The following TMEM232 variants were observed in gnomAD, a reference collection of about 807,000 sequenced individuals.
The protein encoded by TMEM232 is transmembrane protein 232.
A neutral mutation model predicts 78.8 loss-of-function variants in TMEM232; 80 were observed. That is an observed-to-expected ratio of 1.01 (90% CI 0.85 to 1.22). The LOEUF (loss-of-function observed/expected upper bound fraction) is 1.22. Among genes scored for constraint, TMEM232 ranks in the 50% most tolerant of loss-of-function variants. The pLI is 0.00. For synonymous variants in TMEM232, 297 were observed against 254.3 expected, an observed-to-expected ratio of 1.17 and a Z score of -1.60; for missense variants, 881 against 742.2, an observed-to-expected ratio of 1.19 and a Z score of -2.17.
chr5:110,658,252 T>C (rs952923702), intron 2 of TMEM232, among the ~76,000 whole-genome samples: 25 of 152,194 alleles, frequency 1.6e-4, no homozygotes, highest in African/African-American at 6.0e-4. Context: ...CATCATCACA[T>C]TATAGATATC....
chr5:110,655,537 C>T (rs1348964134), intron 2 of TMEM232, among the ~76,000 whole-genome samples: 4 of 141,578 alleles, frequency 2.8e-5, no homozygotes, highest in East Asian at 2.1e-4. Flanking sequence ...ACCATTTGAC[C>T]CAGCCATCCC....
At chr5:110,697,209 A>G (rs1431247812) in intron 1 of TMEM232, among the ~76,000 whole-genome samples, 2 of 152,332 alleles carry the variant, frequency 1.3e-5, no homozygotes, top group South Asian at 2.1e-4. Context: ...AGGATTCCCT[A>G]TTTAAGAAAT....
intron 1 of TMEM232, chr5:110,725,654 T>C (rs185100287): frequency 6.6e-6 from 1 of 152,306 alleles, no homozygotes; most frequent in Admixed American, 6.5e-5. Flanking sequence ...AAGAGAAATG[T>C]TTCAGCTCAT....
At chr5:110,696,945 T>G (rs1462428572) in intron 1 of TMEM232, among the ~76,000 whole-genome samples, 7 of 152,130 alleles carry the variant, frequency 4.6e-5, no homozygotes, top group Admixed American at 4.6e-4. Flanking sequence ...TGGAAAAAAC[T>G]ACTTTAAAGT....
chr5:110,738,024 A>G (rs1799383674), exon 1 of TMEM232: 2 of 229,300 alleles, frequency 8.7e-6, no homozygotes, highest in African/African-American at 2.3e-5. Flanking sequence ...AAGTGATAAA[A>G]CCACAGAAAA....
In TMEM232 at chr5:110,535,293, C is replaced by A. The variant is rs760760189; in HGVS notation, c.1456-6458G>T. ...GTGAAATTCCTTCTCCTGGCTCATA[C>A]TGACTCGAAAGCTCCCCTACTGAGC... On this transcript the variant is annotated intron_variant, in intron 11 of 13. Transcript: ENST00000455884. 1.1e-3 allele frequency among the ~76,000 whole-genome samples: 162 copies of A among 152,128 alleles called. 5 individuals carry two copies. Among genetic ancestry groups the A allele is most frequent in the Non-Finnish European group, 6.8e-4 (46 of 68,016 alleles).
In TMEM232 at chr5:110,625,324, T is replaced by G; in HGVS notation, c.711A>C (p.Glu237Asp). Residue 237 changes from glutamate (E) to aspartate (D), a missense_variant, in exon 7 of 14, where the codon GAA (glutamate) becomes GAC (aspartate). By Grantham distance (45) the Glu-to-Asp change is conservative (BLOSUM62 2). Coordinates refer to ENST00000455884, the MANE Select transcript of TMEM232 (RefSeq NM_001039763.4). ...TATCTTCCACAGGTCTAAAAATGGA[T>G]TCAGAACGGAGTTCTCTTTTACCTA... ...EIIGKRELRS[E>D]SIFRPVEDKK... is the part of the protein sequence containing the mutation. The G allele has an allele frequency of 9.7e-6, 15 of 1,546,670 alleles. No homozygotes were observed. The highest frequency in any genetic ancestry group is 1.3e-5 in the Non-Finnish European group (15 of 1,144,466).
intron 13 of TMEM232, among the ~76,000 whole-genome samples, chr5:110,423,964 A>T (rs1756964351): frequency 6.6e-6 from 1 of 152,164 alleles, no homozygotes; most frequent in Admixed American, 6.5e-5. Context: ...GGTTTAACAA[A>T]AACTTTATTA....
In TMEM232 at chr5:110,570,385, T is replaced by C. The variant is rs145250920; in HGVS notation, c.1277-1760A>G. Among the ~76,000 whole-genome samples the C allele has an allele frequency of 3.1e-3, 464 of 152,042 alleles. 3 individuals carry two copies. Among genetic ancestry groups the C allele is most frequent in the African/African-American group, 0.011 (449 of 41,530 alleles). ...TCTTTGTGAATAGTCTTGACTAAAG[T>C]GAGAAAAAGATAATCTGTATCTTCA... On this transcript the variant is annotated intron_variant, in intron 10 of 13. Coordinates refer to ENST00000455884, the MANE Select transcript of TMEM232 (RefSeq NM_001039763.4).
chr5:110,482,280 A>T (rs1225765442), intron 12 of TMEM232, among the ~76,000 whole-genome samples: 1 of 152,094 alleles, frequency 6.6e-6, no homozygotes, highest in East Asian at 1.9e-4. Context: ...TTTTTGAAAC[A>T]TTAAAAAAAA....
intron 12 of TMEM232, among the ~76,000 whole-genome samples, chr5:110,512,916 A>G (rs1767991780): frequency 6.6e-6 from 1 of 152,208 alleles, no homozygotes; most frequent in African/African-American, 2.4e-5. Flanking sequence ...TGTTATTTTT[A>G]AGATTCTTTA....
At chr5:110,521,953 T>C (rs1333291552) in intron 12 of TMEM232, among the ~76,000 whole-genome samples, 3 of 152,198 alleles carry the variant, frequency 2.0e-5, no homozygotes, top group Non-Finnish European at 2.9e-5. Flanking sequence ...ATCTTTTGTG[T>C]TCCCATATGA....
intron 12 of TMEM232, among the ~76,000 whole-genome samples, chr5:110,427,810 T>C (rs459022): frequency 0.037 from 5,693 of 152,006 alleles, 201 homozygotes; most frequent in African/African-American, 0.087. Flanking sequence ...GGGTGTCTTC[T>C]ACTGTTCTTT....
intron 2 of TMEM232, among the ~76,000 whole-genome samples, chr5:110,402,565 G>A (rs769423445): frequency 1.3e-4 from 20 of 152,042 alleles, no homozygotes; most frequent in Non-Finnish European, 2.5e-4. Context: ...AAGACTAGGG[G>A]ATGGCACCAC....
At chr5:110,694,799 A>G (rs181486942) in intron 1 of TMEM232, among the ~76,000 whole-genome samples, 2 of 152,306 alleles carry the variant, frequency 1.3e-5, no homozygotes, top group East Asian at 3.9e-4. Flanking sequence ...AAGATTCATA[A>G]AGCAAGTCCT....
At chr5:110,685,490 T>A (rs140511659) in intron 1 of TMEM232, among the ~76,000 whole-genome samples, 7 of 152,154 alleles carry the variant, frequency 4.6e-5, no homozygotes, top group Admixed American at 4.6e-4. Context: ...ATTGCTAACA[T>A]TAAAAAAACT....
intron 1 of TMEM232, among the ~76,000 whole-genome samples, chr5:110,712,987 G>C (rs2150319402): frequency 6.6e-6 from 1 of 152,264 alleles, no homozygotes; most frequent in East Asian, 1.9e-4. Flanking sequence ...TGTCCACAAA[G>C]CCAAGATTTG....
In TMEM232 at chr5:110,479,476, C is replaced by T. The variant is rs544040758; in HGVS notation, c.1703+49112G>A. On this transcript the variant is annotated intron_variant, in intron 12 of 13. Transcript: ENST00000455884. ...TCACTAATACCTTCTCAAATACAACCTCTATGCTGCCTTATAACACTAGAG... is the reference window on the plus strand; with the variant it reads ...TCACTAATACCTTCTCAAATACAACTTCTATGCTGCCTTATAACACTAGAG... Among the ~76,000 whole-genome samples, 3 of 151,858 alleles carry T rather than the reference C, an allele frequency of 2.0e-5. 1 individual carries two copies. In the South Asian group the frequency reaches 6.2e-4, roughly 31 times the overall value.
chr5:110,554,327 C>T (rs978104817), intron 11 of TMEM232, among the ~76,000 whole-genome samples: 3 of 152,134 alleles, frequency 2.0e-5, no homozygotes, highest in Admixed American at 6.5e-5. Flanking sequence ...TTTCTGCCCC[C>T]GACCCCCTGC....
Sources: allele counts gnomAD v4.1 joint callset (sites outside exome capture counted in the v4.1 genomes callset), GRCh38; gene constraint gnomAD v4.1.1; transcripts MANE v1.5; gene names NCBI Gene and HGNC (gene_info 2026-07-23, HGNC 2026-07-21).